The following BTBD9 variants were observed in gnomAD, a reference collection of about 807,000 sequenced individuals.
The protein encoded by BTBD9 is BTB domain containing 9, also known as BTB/POZ domain-containing protein 9.
Under a neutral mutation model 64.3 loss-of-function variants are expected in BTBD9, and 49 were observed. That is an observed-to-expected ratio of 0.76 (90% CI 0.61 to 0.97). The LOEUF is 0.97. Among genes scored for constraint, BTBD9 ranks in the 50% least tolerant of loss-of-function variants. The pLI, the probability that BTBD9 is intolerant of heterozygous loss-of-function variation, is 0.00. For missense variants in BTBD9, 598 were observed against 762.1 expected, an observed-to-expected ratio of 0.78 and a Z score of 2.53; for synonymous variants, 260 against 274.7, an observed-to-expected ratio of 0.95 and a Z score of 0.53.
chr6:38,283,097 G>T (rs770159601), intron 8 of BTBD9, among the ~76,000 whole-genome samples: 2 of 152,108 alleles, frequency 1.3e-5, no homozygotes, highest in Non-Finnish European at 2.9e-5. Context: ...ATCATGTTTG[G>T]AGTCTACCCT....
intron 6 of BTBD9, among the ~76,000 whole-genome samples, chr6:38,369,891 A>G (rs2127603967): frequency 6.6e-6 from 1 of 152,362 alleles, no homozygotes; most frequent in African/African-American, 2.4e-5. Flanking sequence ...GAAGGCAACT[A>G]TCATTGGCTA....
chr6:38,190,310 A>T (rs1472741444), intron 10 of BTBD9, among the ~76,000 whole-genome samples: 1 of 151,760 alleles, frequency 6.6e-6, no homozygotes, highest in Admixed American at 6.6e-5. Context: ...ACAAAAAAAA[A>T]TTACAAAAAT....
chr6:38,297,000 A>G (rs1410786178), intron 7 of BTBD9, among the ~76,000 whole-genome samples: 1 of 152,180 alleles, frequency 6.6e-6, no homozygotes, highest in African/African-American at 2.4e-5. Flanking sequence ...TTCTATATAT[A>G]TTTATTAGAT....
intron 6 of BTBD9, among the ~76,000 whole-genome samples, chr6:38,576,327 T>C (rs1469582022): frequency 6.6e-6 from 1 of 151,798 alleles, no homozygotes; most frequent in Non-Finnish European, 1.5e-5. Flanking sequence ...AAAACTCCTC[T>C]GATAAAAGAG....
chr6:38,530,574 T>C (rs531023734), intron 6 of BTBD9, among the ~76,000 whole-genome samples: 2 of 99,636 alleles, frequency 2.0e-5, no homozygotes, highest in African/African-American at 3.0e-5. Flanking sequence ...TTATGGAAAA[T>C]AGAAAGAACC....
intron 6 of BTBD9, among the ~76,000 whole-genome samples, chr6:38,350,794 G>C (rs1470025353): frequency 6.6e-6 from 1 of 152,196 alleles, no homozygotes; most frequent in Non-Finnish European, 1.5e-5. Flanking sequence ...CACCTAACAA[G>C]AACTTAAGCT....
intron 9 of BTBD9, among the ~76,000 whole-genome samples, chr6:38,208,730 T>C (rs1762736515): frequency 6.6e-6 from 1 of 152,192 alleles, no homozygotes; most frequent in Non-Finnish European, 1.5e-5. Flanking sequence ...CTTAACTGGA[T>C]TTTATAGCTG....
intron 2 of BTBD9, chr6:38,595,921 G>C: frequency 1.0e-6 from 1 of 985,288 alleles, no homozygotes. Flanking sequence ...TATGATCCAT[G>C]GTATTTATTT....
At chr6:38,267,889 G>A (rs941302617) in intron 8 of BTBD9, among the ~76,000 whole-genome samples, 7 of 152,168 alleles carry the variant, frequency 4.6e-5, no homozygotes, top group African/African-American at 1.7e-4. Flanking sequence ...GCAGTGAGCC[G>A]AGATCGCACC....
At chr6:38,405,376 A>C (rs767272531) in intron 6 of BTBD9, among the ~76,000 whole-genome samples, 4 of 152,216 alleles carry the variant, frequency 2.6e-5, no homozygotes, top group Non-Finnish European at 5.9e-5. Context: ...CATAGAGAGT[A>C]ATGATTCCTG....
intron 7 of BTBD9, among the ~76,000 whole-genome samples, chr6:38,289,905 C>T (rs778444352): frequency 3.1e-4 from 47 of 152,002 alleles, no homozygotes; most frequent in African/African-American, 1.1e-3. Flanking sequence ...CTTTTCTGCA[C>T]GTTTAAAACA....
intron 6 of BTBD9, among the ~76,000 whole-genome samples, chr6:38,423,182 T>C (rs1767983226): frequency 6.6e-6 from 1 of 152,054 alleles, no homozygotes; most frequent in Non-Finnish European, 1.5e-5. Flanking sequence ...CGAGAATCGC[T>C]TGAACCTGGG....
chr6:38,198,802 G>T (rs1444329646), intron 9 of BTBD9, among the ~76,000 whole-genome samples: 1 of 152,114 alleles, frequency 6.6e-6, no homozygotes, highest in African/African-American at 2.4e-5. Context: ...AAATATATGT[G>T]TTATATATTA....
chr6:38,307,693 T>C (rs1221528780), intron 7 of BTBD9, among the ~76,000 whole-genome samples: 1 of 152,244 alleles, frequency 6.6e-6, no homozygotes, highest in Non-Finnish European at 1.5e-5. Flanking sequence ...CTCCAATTTT[T>C]ACATTAGCAA....
chr6:38,587,518 G>A (rs1776587767), intron 4 of BTBD9: 5 of 563,960 alleles, frequency 8.9e-6, no homozygotes, highest in Admixed American at 2.2e-5. Context: ...TGCAGATGAC[G>A]ATCTTATAAC....
At chr6:38,271,756 A>T (rs1252302290) in intron 8 of BTBD9, among the ~76,000 whole-genome samples, 1 of 152,216 alleles carries the variant, frequency 6.6e-6, no homozygotes, top group Admixed American at 6.5e-5. Flanking sequence ...ATAAAGATAC[A>T]GTTTAAACTA....
intron 9 of BTBD9, among the ~76,000 whole-genome samples, chr6:38,251,891 CAAA>C (rs534067503): frequency 5.5e-5 from 4 of 73,128 alleles, no homozygotes. Flanking sequence ...GACTCTGTCT[CAAA>C]AAAAAAAAAA....
intron 6 of BTBD9, among the ~76,000 whole-genome samples, chr6:38,540,666 A>C (rs2127437311): frequency 6.6e-6 from 1 of 152,310 alleles, no homozygotes; most frequent in Non-Finnish European, 1.5e-5. Flanking sequence ...TTATACCTGA[A>C]GGTCAACCCA....
At chr6:38,284,557 C>T (rs148728099) in intron 8 of BTBD9, among the ~76,000 whole-genome samples, 109 of 152,242 alleles carry the variant, frequency 7.2e-4, no homozygotes, top group African/African-American at 2.5e-3. Context: ...TGTACCCCCT[C>T]CCCCCAGTTT....
Sources: allele counts gnomAD v4.1 joint callset (sites outside exome capture counted in the v4.1 genomes callset), GRCh38; gene constraint gnomAD v4.1.1; transcripts MANE v1.5; gene names NCBI Gene and HGNC (gene_info 2026-07-23, HGNC 2026-07-21).